The following ACAP2 variants were observed in gnomAD, a reference collection of about 807,000 sequenced individuals.
The protein encoded by ACAP2 is ArfGAP with coiled-coil, ankyrin repeat and PH domains 2.
ACAP2 carries 39 observed loss-of-function variants against 115.8 expected under a neutral mutation model. The observed-to-expected ratio is 0.34, with a 90% CI of 0.26 to 0.44. The LOEUF (loss-of-function observed/expected upper bound fraction) is 0.44, where lower values mean the gene tolerates loss of function less well. Ranked by LOEUF, ACAP2 falls within the 20% of genes least tolerant of loss-of-function variation. The pLI, the probability that ACAP2 is intolerant of heterozygous loss-of-function variation, is 1.00. For synonymous variants in ACAP2, 289 were observed against 315.8 expected (o/e 0.92, Z 0.90); for missense variants, 662 against 927.6 (o/e 0.71, Z 3.72).
intron 17 of ACAP2, 39 bp from the exon 18 acceptor site, chr3:195,294,850 G>T: frequency 7.5e-7 from 1 of 1,334,476 alleles, no homozygotes; most frequent in Non-Finnish European, 1.1e-6. Context: ...TAAAGTTCAT[G>T]CCATTTAGAA....
chr3:195,442,906 G>A lies in ACAP2; in HGVS notation c.-59C>T. ...CCGAGGGGGCCGCGGGAGCGGCCGC[G>A]CTGGGACGCAGACGGCTACGGCGGG... On this transcript the variant is annotated 5_prime_UTR_variant, in exon 1 of 23. Transcript: ENST00000326793. The A allele has an allele frequency of 1.4e-6, 2 of 1,444,888 alleles. No homozygotes were observed. Among genetic ancestry groups the A allele is most frequent in the Admixed American group, 2.6e-5 (1 of 38,142 alleles). The allele number at this position is 1,444,888 out of a possible 1,614,324, so 89.5% of individuals were successfully genotyped here.
At chr3:195,373,489 A>G (rs769741678) in intron 4 of ACAP2, among the ~76,000 whole-genome samples, 2 of 152,198 alleles carry the variant, frequency 1.3e-5, no homozygotes, top group Non-Finnish European at 2.9e-5. Context: ...TTTATGAATT[A>G]AAAGTAGAAT....
chr3:195,340,336 G>A (rs1369954080), intron 6 of ACAP2, among the ~76,000 whole-genome samples: 3 of 151,710 alleles, frequency 2.0e-5, no homozygotes, highest in Non-Finnish European at 2.9e-5. Context: ...AAGGGCAAAA[G>A]GGAAAGAGAA....
At chr3:195,305,018 G>C (rs571905193) in intron 13 of ACAP2, among the ~76,000 whole-genome samples, 1 of 152,274 alleles carries the variant, frequency 6.6e-6, no homozygotes, top group African/African-American at 2.4e-5. Flanking sequence ...CTAAGCAATG[G>C]GGGTTTTTCA....
intron 8 of ACAP2, among the ~76,000 whole-genome samples, chr3:195,329,895 C>A (rs1263537642): frequency 2.0e-5 from 3 of 152,112 alleles, no homozygotes; most frequent in African/African-American, 7.2e-5. Context: ...AAAATTTAGT[C>A]TTTCTTATGT....
At chr3:195,403,620 T>C (rs960624081) in intron 1 of ACAP2, among the ~76,000 whole-genome samples, 1 of 152,230 alleles carries the variant, frequency 6.6e-6, no homozygotes, top group African/African-American at 2.4e-5. Context: ...TATGCAAGCA[T>C]ATGCATGCGT....
Position 195,295,746 on chromosome 3 carries a change from C to G in ACAP2, c.1634G>C (p.Gly545Ala), listed in dbSNP as rs769915926. The G allele has an allele frequency of 6.2e-7, 1 of 1,614,024 alleles. No individual in the cohort carries two copies. The highest frequency in any genetic ancestry group is 1.6e-4 in the Middle Eastern group (1 of 6,062). Residue 545 changes from glycine (G) to alanine (A), a missense_variant, in exon 17 of 23, where the codon GGG becomes GCG. Coordinates refer to ENST00000326793, the MANE Select transcript of ACAP2 (RefSeq NM_012287.6). ...EEKRLSISKF[G>A]PGDQVRASAQ... ...AGATGCTCTGACTTGGTCCCCTGGC[C>G]CAAATTTAGAAATGCTCAGCCTCTT...
At chr3:195,350,263 A>G (rs796515048) in intron 4 of ACAP2, among the ~76,000 whole-genome samples, 12 of 152,354 alleles carry the variant, frequency 7.9e-5, no homozygotes, top group African/African-American at 2.9e-4. Flanking sequence ...TAGAATAGCC[A>G]AAATAACTTT....
In ACAP2 at chr3:195,278,810, T is replaced by C. The variant is rs1726299313; in HGVS notation, c.*518A>G. On this transcript the variant is annotated 3_prime_UTR_variant, in exon 23 of 23. Transcript: ENST00000326793. ...CATTCTCTAGTTCTAATAAATCATA[T>C]ATTATGTGTATGAAAGCTAGGTTAC... The C allele has an allele frequency of 6.6e-6, 1 of 152,538 alleles. No individual in the cohort carries two copies. Among genetic ancestry groups the C allele is most frequent in the South Asian group, 2.1e-4 (1 of 4,864 alleles). 9.4% of individuals were successfully genotyped at this position (152,538 alleles called of 1,614,324 possible).
At chr3:195,309,863 T>C (rs969817827) in intron 10 of ACAP2, among the ~76,000 whole-genome samples, 1 of 152,204 alleles carries the variant, frequency 6.6e-6, no homozygotes, top group African/African-American at 2.4e-5. Flanking sequence ...GAAAAATCTA[T>C]GCTATGTATT....
intron 4 of ACAP2, among the ~76,000 whole-genome samples, chr3:195,348,004 A>C (rs1473119468): frequency 1.3e-5 from 2 of 152,098 alleles, no homozygotes; most frequent in East Asian, 3.9e-4. Flanking sequence ...GCAACAGAGT[A>C]AGATCCTATC....
chr3:195,357,530 G>A (rs145723952), intron 4 of ACAP2, among the ~76,000 whole-genome samples: 4 of 152,252 alleles, frequency 2.6e-5, no homozygotes, highest in East Asian at 1.9e-4. Flanking sequence ...GGCAAGACAC[G>A]GTGCTTTGCT....
chr3:195,314,195 TG>T (rs147479032), intron 10 of ACAP2, among the ~76,000 whole-genome samples: 5,663 of 138,140 alleles, frequency 0.041, 320 homozygotes, highest in East Asian at 0.32. Flanking sequence ...AAGAAAATTT[TG>T]TTGTTTTTTT....
At chr3:195,389,938 G>A (rs996263599) in intron 2 of ACAP2, among the ~76,000 whole-genome samples, 3 of 152,244 alleles carry the variant, frequency 2.0e-5, no homozygotes, top group Non-Finnish European at 2.9e-5. Context: ...GCTCATGCCT[G>A]TAATCCCGGC....
intron 10 of ACAP2, among the ~76,000 whole-genome samples, chr3:195,310,275 T>G (rs1026584296): frequency 6.6e-6 from 1 of 152,198 alleles, no homozygotes. Flanking sequence ...AAAAAAGACA[T>G]TTGTTAAATA....
At chr3:195,300,092 G>C (rs1011430920) in intron 15 of ACAP2, among the ~76,000 whole-genome samples, 1 of 147,854 alleles carries the variant, frequency 6.8e-6, no homozygotes, top group South Asian at 2.1e-4. Flanking sequence ...TGTTGCCCAG[G>C]CCGGAGTGCA....
At position 195,278,182 on chromosome 3, in the gene ACAP2, C is replaced by A. The variant is rs1403582417; in HGVS notation, c.*1146G>T. The A allele has an allele frequency of 6.6e-6, 1 of 151,800 alleles. No individual in the cohort carries two copies. The highest frequency in any genetic ancestry group is 2.4e-5 in the African/African-American group (1 of 41,326). The allele number at this position is 151,800 out of a possible 1,614,324, so 9.4% of individuals were successfully genotyped here. A position where few individuals can be genotyped will look rare whatever the true frequency, so the allele number is the denominator to read the frequency against. ...GTAGCATATAAATGGTAATGTTTAT[C>A]CATAATATTTTGGAATTCAGGGGTC... is the stretch of plus-strand genomic sequence containing the variant. On this transcript the variant is annotated 3_prime_UTR_variant, in exon 23 of 23. Transcript: ENST00000326793.
At chr3:195,422,451 T>C (rs1356719820) in intron 1 of ACAP2, among the ~76,000 whole-genome samples, 2 of 152,186 alleles carry the variant, frequency 1.3e-5, no homozygotes, top group Non-Finnish European at 2.9e-5. Flanking sequence ...TATTGTGACA[T>C]GCTAAAATAT....
At chr3:195,294,133 C>T (rs925488270) in intron 18 of ACAP2, among the ~76,000 whole-genome samples, 1 of 151,676 alleles carries the variant, frequency 6.6e-6, no homozygotes, top group African/African-American at 2.4e-5. Flanking sequence ...AGCAAGACTC[C>T]ATCTCAAAAA....
Sources: allele counts gnomAD v4.1 joint callset (sites outside exome capture counted in the v4.1 genomes callset), GRCh38; gene constraint gnomAD v4.1.1; transcripts MANE v1.5; gene names NCBI Gene and HGNC (gene_info 2026-07-23, HGNC 2026-07-21).